Variants in CAB39L observed in about 807,000 individuals in gnomAD.
The protein encoded by CAB39L is calcium binding protein 39 like.
In CAB39L, 23 loss-of-function variants were observed where a neutral mutation model predicts 39.1. The ratio of observed to expected loss-of-function variants is 0.59; its 90% CI spans 0.42 to 0.83. The LOEUF (loss-of-function observed/expected upper bound fraction) is 0.83, where lower values mean the gene tolerates loss of function less well. CAB39L is among the 40% of genes least tolerant of loss of function. CAB39L has a pLI of 0.00. For missense variants in CAB39L, 366 were observed against 391.9 expected, an observed-to-expected ratio of 0.93 and a Z score of 0.56; for synonymous variants, 126 against 137.2, an observed-to-expected ratio of 0.92 and a Z score of 0.57.
At chr13:49,421,424 G>T (rs544961324) in intron 3 of CAB39L, among the ~76,000 whole-genome samples, 12 of 152,218 alleles carry the variant, frequency 7.9e-5, no homozygotes, top group Admixed American at 1.3e-4. Flanking sequence ...GGGAACAAGG[G>T]GAAAGTTGGG....
chr13:49,370,124 C>T (rs1566095864), intron 5 of CAB39L, among the ~76,000 whole-genome samples: 1 of 151,672 alleles, frequency 6.6e-6, no homozygotes, highest in Non-Finnish European at 1.5e-5. Context: ...GAACAGTCTA[C>T]CGGGTGAGGG....
chr13:49,333,568 C>A (rs1393067810), intron 9 of CAB39L, among the ~76,000 whole-genome samples: 1 of 111,860 alleles, frequency 8.9e-6, no homozygotes, highest in Admixed American at 9.3e-5. Context: ...TTCTTTCTTT[C>A]TTTTTTTTTT....
intron 3 of CAB39L, among the ~76,000 whole-genome samples, chr13:49,414,482 G>A (rs1396907297): frequency 6.6e-6 from 1 of 152,114 alleles, no homozygotes; most frequent in Non-Finnish European, 1.5e-5. Flanking sequence ...ACAAAGGAAA[G>A]CCAAGAGTAT....
intron 5 of CAB39L, among the ~76,000 whole-genome samples, chr13:49,372,040 T>G (rs1263255199): frequency 6.6e-6 from 1 of 152,206 alleles, no homozygotes; most frequent in Admixed American, 6.5e-5. Context: ...CACCTGCCTT[T>G]AAAATGAATG....
At chr13:49,371,950 A>G (rs554429794) in intron 5 of CAB39L, among the ~76,000 whole-genome samples, 11 of 152,288 alleles carry the variant, frequency 7.2e-5, no homozygotes, top group African/African-American at 2.4e-4. Context: ...AAGTTACCAT[A>G]GAAGACAATT....
intron 3 of CAB39L, among the ~76,000 whole-genome samples, chr13:49,411,381 G>C (rs552614514): frequency 6.8e-6 from 1 of 146,796 alleles, no homozygotes; most frequent in Non-Finnish European, 1.5e-5. Context: ...CTGCACTCCA[G>C]CCTGGGCAAC....
At chr13:49,436,936 T>C (rs1051514595) in intron 1 of CAB39L, among the ~76,000 whole-genome samples, 2 of 151,688 alleles carry the variant, frequency 1.3e-5, no homozygotes, top group East Asian at 3.9e-4. Flanking sequence ...TTTAAAAACT[T>C]TTTTCCTTAT....
chr13:49,375,792 TAATTTAAAAA>T (rs1033875417), intron 5 of CAB39L, among the ~76,000 whole-genome samples: 1 of 133,394 alleles, frequency 7.5e-6, no homozygotes, highest in African/African-American at 3.1e-5. Flanking sequence ...ACTTAAAGTA[TAATTTAAAAA>T]AATTGAAAAA....
At chr13:49,417,151 A>G (rs866292179) in intron 3 of CAB39L, among the ~76,000 whole-genome samples, 3 of 152,220 alleles carry the variant, frequency 2.0e-5, no homozygotes, top group Admixed American at 2.0e-4. Flanking sequence ...AGTGTTGAAT[A>G]GTTAATTTTG....
intron 6 of CAB39L, among the ~76,000 whole-genome samples, chr13:49,358,654 A>G (rs1422798034): frequency 6.6e-6 from 1 of 152,154 alleles, no homozygotes; most frequent in Non-Finnish European, 1.5e-5. Flanking sequence ...TGAGGTCAGG[A>G]GGTCGAGACC....
At chr13:49,334,528 C>T (rs1397804891) in intron 9 of CAB39L, among the ~76,000 whole-genome samples, 1 of 152,212 alleles carries the variant, frequency 6.6e-6, no homozygotes, top group Non-Finnish European at 1.5e-5. Context: ...CCCATCCTCT[C>T]AGAACCAGCT....
At chr13:49,339,845 C>T (rs1954955238) in intron 8 of CAB39L, 103 bp from the exon 9 acceptor site, 7 of 1,260,480 alleles carry the variant, frequency 5.6e-6, no homozygotes, top group East Asian at 3.1e-5. Flanking sequence ...AACTTCTGGC[C>T]ATTTTACCAT....
intron 10 of CAB39L, among the ~76,000 whole-genome samples, chr13:49,321,553 G>A (rs1031043601): frequency 6.6e-6 from 1 of 152,188 alleles, no homozygotes; most frequent in Non-Finnish European, 1.5e-5. Flanking sequence ...TGTGCAGCGT[G>A]CGCCTTCCGG....
At chr13:49,323,965 G>T (rs547752660) in intron 10 of CAB39L, among the ~76,000 whole-genome samples, 91 of 152,132 alleles carry the variant, frequency 6.0e-4, no homozygotes, top group African/African-American at 2.2e-3. Context: ...ATTTTATCTG[G>T]CAATCCTTAT....
chr13:49,320,631 C>T (rs989384229), intron 10 of CAB39L, among the ~76,000 whole-genome samples: 2 of 152,130 alleles, frequency 1.3e-5, no homozygotes, highest in African/African-American at 2.4e-5. Flanking sequence ...CGTTGCTGAC[C>T]TCACTGCCTT....
At chr13:49,381,500 CTT>C (rs1460547704) in intron 4 of CAB39L, among the ~76,000 whole-genome samples, 2 of 152,156 alleles carry the variant, frequency 1.3e-5, no homozygotes, top group African/African-American at 4.8e-5. Flanking sequence ...TTTTATATCT[CTT>C]GTGACAAACA....
chr13:49,372,579 T>A (rs1955950492), intron 5 of CAB39L, among the ~76,000 whole-genome samples: 1 of 152,198 alleles, frequency 6.6e-6, no homozygotes, highest in Non-Finnish European at 1.5e-5. Flanking sequence ...CATTGCCTTG[T>A]TTCCTGCAAC....
intron 1 of CAB39L, among the ~76,000 whole-genome samples, chr13:49,441,554 G>A (rs1316872856): frequency 6.6e-6 from 1 of 151,940 alleles, no homozygotes; most frequent in Non-Finnish European, 1.5e-5. Flanking sequence ...GCAACATAGC[G>A]AGATCCCATC....
At chr13:49,356,366 T>G (rs1281101022) in intron 6 of CAB39L, among the ~76,000 whole-genome samples, 1 of 152,190 alleles carries the variant, frequency 6.6e-6, no homozygotes, top group African/African-American at 2.4e-5. Flanking sequence ...TCTTTATGGA[T>G]CACTGAGAGC....
Sources: gnomAD v4.1 joint callset for allele counts (sites outside exome capture counted in the v4.1 genomes callset) on GRCh38, gnomAD v4.1.1 for gene constraint, MANE v1.5 for transcripts, NCBI Gene and HGNC (gene_info 2026-07-23, HGNC 2026-07-21) for gene names.